Variants in SLC44A1 observed in about 807,000 individuals in gnomAD.
SLC44A1 encodes the protein solute carrier family 44 member 1.
A neutral mutation model predicts 79.3 loss-of-function variants in SLC44A1; 26 were observed. That is an observed-to-expected ratio of 0.33 (90% CI 0.24 to 0.46). SLC44A1 has a LOEUF of 0.46. Among genes scored for constraint, SLC44A1 ranks in the 20% least tolerant of loss-of-function variants. The probability of loss-of-function intolerance (pLI) is 1.00; values close to 1 mark genes in which losing one functional copy is unlikely to be tolerated. For missense variants in SLC44A1, 688 were observed against 798.1 expected (o/e 0.86, Z 1.66); for synonymous variants, 263 against 286.2 (o/e 0.92, Z 0.82).
intron 1 of SLC44A1, among the ~76,000 whole-genome samples, chr9:105,283,712 C>A (rs1830411259): frequency 6.6e-6 from 1 of 152,134 alleles, no homozygotes; most frequent in African/African-American, 2.4e-5. Flanking sequence ...TTTTAAAAAT[C>A]CAATCCCAAT....
chr9:105,262,786 C>T (rs971058938), intron 1 of SLC44A1, among the ~76,000 whole-genome samples: 2 of 152,194 alleles, frequency 1.3e-5, no homozygotes, highest in Non-Finnish European at 2.9e-5. Context: ...TGTTTCCTAC[C>T]ACTACATCAG....
chr9:105,255,747 A>AT (rs1829689270), intron 1 of SLC44A1, among the ~76,000 whole-genome samples: 1 of 152,200 alleles, frequency 6.6e-6, no homozygotes, highest in South Asian at 2.1e-4. Context: ...TAGCCAGACT[A>AT]TATCAATTTG....
intron 15 of SLC44A1, among the ~76,000 whole-genome samples, chr9:105,418,411 C>G (rs1340946052): frequency 6.6e-6 from 1 of 151,844 alleles, no homozygotes; most frequent in Admixed American, 6.6e-5. Context: ...GTTCACACTG[C>G]AACAGTAGTA....
At chr9:105,324,314 G>T (rs923245602) in intron 3 of SLC44A1, among the ~76,000 whole-genome samples, 23 of 151,164 alleles carry the variant, frequency 1.5e-4, no homozygotes, top group South Asian at 6.3e-4. Context: ...GCAGTGGGGT[G>T]ATCTCGGCTC....
chr9:105,297,188 C>T (rs963979932), intron 1 of SLC44A1, among the ~76,000 whole-genome samples: 1 of 151,988 alleles, frequency 6.6e-6, no homozygotes, highest in African/African-American at 2.4e-5. Flanking sequence ...TTGTTTTGTT[C>T]TGTTCATAAC....
At chr9:105,386,523 C>T (rs772888392) in intron 15 of SLC44A1, 3 of 610,824 alleles carry the variant, frequency 4.9e-6, no homozygotes, top group Non-Finnish European at 6.1e-6. Flanking sequence ...CCGCATATGG[C>T]TTAGGAAGGC....
intron 1 of SLC44A1, among the ~76,000 whole-genome samples, chr9:105,276,535 AAATT>A (rs1174357057): frequency 6.7e-6 from 1 of 149,054 alleles, no homozygotes; most frequent in Non-Finnish European, 1.5e-5. Context: ...GTTTTGGAGA[AAATT>A]AAGTTAGGAA....
chr9:105,261,794 T>TTTTG (rs2131213653), intron 1 of SLC44A1, among the ~76,000 whole-genome samples: 1 of 149,356 alleles, frequency 6.7e-6, no homozygotes, highest in African/African-American at 2.5e-5. Flanking sequence ...TTTTTTTTTT[T>TTTTG]TTTGAGAGGG....
chr9:105,365,459 T>C (rs1004850487), intron 10 of SLC44A1, 24 bp from the exon 11 acceptor site: 25 of 1,594,956 alleles, frequency 1.6e-5, no homozygotes, highest in Non-Finnish European at 2.1e-5. Flanking sequence ...GTTTTAATTG[T>C]CTTTTTGGTC....
intron 1 of SLC44A1, among the ~76,000 whole-genome samples, chr9:105,256,741 TTTTTA>T (rs59529626): frequency 0.084 from 10,935 of 130,778 alleles, 549 homozygotes; most frequent in Admixed American, 0.11. Flanking sequence ...TTTTGTATTA[TTTTTA>T]TTTTATTTTA....
chr9:105,365,707 A>G, intron 11 of SLC44A1, 68 bp downstream of exon 11: 2 of 1,388,722 alleles, frequency 1.4e-6, no homozygotes, highest in Non-Finnish European at 2.0e-6. Context: ...CATGTAGTAA[A>G]GCACCCAATA....
In SLC44A1 at chr9:105,434,735, T is replaced by C. The variant is rs148338240; in HGVS notation, c.1951-3546T>C. ...CTAGATTATGCCGTGAGTTTTCATG[T>C]TCAAGGATAGTAGGAAAGACACAGC... On this transcript the variant is annotated intron_variant, in intron 15 of 15. Transcript: ENST00000374724. 5.2e-3 allele frequency among the ~76,000 whole-genome samples: 786 copies of C among 152,358 alleles called. 6 individuals carry two copies. The highest frequency in any genetic ancestry group is 0.018 in the African/African-American group (756 of 41,588).
intron 3 of SLC44A1, among the ~76,000 whole-genome samples, chr9:105,312,400 T>C (rs1831204440): frequency 6.6e-6 from 1 of 152,248 alleles, no homozygotes; most frequent in Non-Finnish European, 1.5e-5. Flanking sequence ...GTTAAATGTG[T>C]ATTCTAAGTG....
At chr9:105,371,490 G>A (rs1403329209) in intron 12 of SLC44A1, among the ~76,000 whole-genome samples, 2 of 146,016 alleles carry the variant, frequency 1.4e-5, no homozygotes, top group Non-Finnish European at 3.0e-5. Context: ...CACTTTGGGA[G>A]GCCAAGGAGG....
intron 3 of SLC44A1, among the ~76,000 whole-genome samples, chr9:105,311,452 C>T (rs1403477237): frequency 6.6e-6 from 1 of 152,128 alleles, no homozygotes; most frequent in East Asian, 1.9e-4. Flanking sequence ...GCCATGACTC[C>T]AAGCCTGTTC....
chr9:105,408,112 C>T (rs1344582553), intron 15 of SLC44A1, among the ~76,000 whole-genome samples: 2 of 152,086 alleles, frequency 1.3e-5, no homozygotes, highest in Non-Finnish European at 2.9e-5. Context: ...CGAGATCTCG[C>T]CACTGCACTC....
intron 15 of SLC44A1, among the ~76,000 whole-genome samples, chr9:105,410,478 C>G (rs1354318428): frequency 6.6e-6 from 1 of 152,116 alleles, no homozygotes; most frequent in African/African-American, 2.4e-5. Context: ...AAGAGATGCT[C>G]AATGTCATTA....
chr9:105,417,748 A>C (rs2131512761), intron 15 of SLC44A1, among the ~76,000 whole-genome samples: 1 of 151,428 alleles, frequency 6.6e-6, no homozygotes, highest in South Asian at 2.1e-4. Flanking sequence ...TATACCTGTA[A>C]TCCCAGCTAC....
intron 1 of SLC44A1, among the ~76,000 whole-genome samples, chr9:105,272,009 T>C (rs1830090496): frequency 6.6e-6 from 1 of 152,246 alleles, no homozygotes; most frequent in East Asian, 1.9e-4. Flanking sequence ...TATTTTGTTA[T>C]GTTTTACATA....
Sources: gnomAD v4.1 joint callset for allele counts (sites outside exome capture counted in the v4.1 genomes callset) on GRCh38, gnomAD v4.1.1 for gene constraint, MANE v1.5 for transcripts, NCBI Gene and HGNC (gene_info 2026-07-23, HGNC 2026-07-21) for gene names.